TMEM144: variants seen among roughly 807,000 people sequenced by gnomAD.
TMEM144 encodes transmembrane protein 144.
TMEM144 carries 39 observed loss-of-function variants against 43.6 expected under a neutral mutation model. That is an observed-to-expected ratio of 0.90 (90% CI 0.69 to 1.17). The LOEUF (loss-of-function observed/expected upper bound fraction) is 1.17, where lower values mean the gene tolerates loss of function less well. Ranked by LOEUF, TMEM144 falls within the 50% of genes most tolerant of loss-of-function variation. The pLI is 0.00. For missense variants in TMEM144, 417 were observed against 411.9 expected (o/e 1.01, Z -0.11); for synonymous variants, 154 against 133.6 (o/e 1.15, Z -1.06).
At chr4:158,244,213 A>G in intron 11 of TMEM144, 83 bp from the exon 12 acceptor site, 1 of 990,136 alleles carries the variant, frequency 1.0e-6, no homozygotes, top group Non-Finnish European at 1.4e-6. Context: ...ATATGTTTAT[A>G]CTGTCTCTAA....
At chr4:158,246,583 A>G (rs1363957758) in intron 12 of TMEM144, among the ~76,000 whole-genome samples, 5 of 152,160 alleles carry the variant, frequency 3.3e-5, no homozygotes, top group Non-Finnish European at 7.4e-5. Flanking sequence ...AACTTGAAAC[A>G]TTTATAAACC....
intron 6 of TMEM144, among the ~76,000 whole-genome samples, chr4:158,221,979 T>C (rs1734530194): frequency 6.6e-6 from 1 of 152,226 alleles, no homozygotes; most frequent in African/African-American, 2.4e-5. Context: ...AACTGGTTCC[T>C]CTTCCTGAGT....
intron 11 of TMEM144, among the ~76,000 whole-genome samples, chr4:158,243,624 C>T (rs1489173655): frequency 6.6e-6 from 1 of 152,172 alleles, no homozygotes; most frequent in Non-Finnish European, 1.5e-5. Flanking sequence ...AATTGCAGAA[C>T]CATTCCTTTT....
intron 6 of TMEM144, among the ~76,000 whole-genome samples, chr4:158,232,092 G>C (rs958044128): frequency 2.6e-5 from 4 of 152,104 alleles, no homozygotes; most frequent in Non-Finnish European, 4.4e-5. Flanking sequence ...GTATCCCAAC[G>C]TTGTTCATTT....
Position 158,211,517 on chromosome 4 carries a change from AC to A in TMEM144, c.-116del, listed in dbSNP as rs943298976. 32 of 152,124 alleles carry A rather than the reference AC, an allele frequency of 2.1e-4. No homozygotes were observed. Among genetic ancestry groups the A allele is most frequent in the Admixed American group, 7.2e-4 (11 of 15,278 alleles). The allele number at this position is 152,124 out of a possible 1,614,324, so 9.4% of individuals were successfully genotyped here. On this transcript the variant is annotated 5_prime_UTR_variant, in exon 2 of 13. Transcript: ENST00000296529. ...CCTGTTGCACCTCTGTTATCTTGGC[AC>A]CTCTGTTATCTTAGCAGCAAGCACC... is the stretch of plus-strand genomic sequence containing the variant.
intron 6 of TMEM144, among the ~76,000 whole-genome samples, chr4:158,220,452 G>A (rs563267352): frequency 2.6e-5 from 4 of 152,244 alleles, no homozygotes; most frequent in East Asian, 1.9e-4. Context: ...AGTCTATCAG[G>A]CATTGTTTTC....
At chr4:158,236,345 CCAACCTTT>C (rs1735348238) in intron 8 of TMEM144, among the ~76,000 whole-genome samples, 1 of 152,152 alleles carries the variant, frequency 6.6e-6, no homozygotes, top group Non-Finnish European at 1.5e-5. Flanking sequence ...CAGAATAAAA[CCAACCTTT>C]CAAACAAAAA....
intron 5 of TMEM144, 36 bp from the exon 6 acceptor site, chr4:158,219,274 C>G: frequency 1.9e-6 from 3 of 1,602,464 alleles, no homozygotes; most frequent in Non-Finnish European, 2.6e-6. Context: ...AACATCTTAA[C>G]AATATTTAAT....
chr4:158,220,304 C>A (rs1734449628), intron 6 of TMEM144, among the ~76,000 whole-genome samples: 1 of 152,066 alleles, frequency 6.6e-6, no homozygotes, highest in African/African-American at 2.4e-5. Flanking sequence ...TGGTTAGAGG[C>A]AATTTTATGT....
chr4:158,237,697 A>G, intron 9 of TMEM144, 54 bp downstream of exon 9: 1 of 1,231,412 alleles, frequency 8.1e-7, no homozygotes. Flanking sequence ...ATGAATATAA[A>G]AAGAATTGTG....
chr4:158,240,242 TA>T, intron 9 of TMEM144, 56 bp from the exon 10 acceptor site: 1 of 1,546,246 alleles, frequency 6.5e-7, no homozygotes, highest in Non-Finnish European at 8.7e-7. Flanking sequence ...TTCAGAAATC[TA>T]AATATATCTG....
chr4:158,231,260 C>G (rs1007677239), intron 6 of TMEM144, among the ~76,000 whole-genome samples: 6 of 152,102 alleles, frequency 3.9e-5, no homozygotes, highest in Non-Finnish European at 5.9e-5. Context: ...GTCCATAACT[C>G]ATCTTTGAGA....
chr4:158,236,848 A>G (rs551484633), intron 8 of TMEM144, among the ~76,000 whole-genome samples: 81 of 152,010 alleles, frequency 5.3e-4, no homozygotes, highest in Non-Finnish European at 1.0e-3. Flanking sequence ...CAAAATATGA[A>G]TCACCTCCCC....
intron 5 of TMEM144, 84 bp downstream of exon 5, chr4:158,217,504 A>G: frequency 1.0e-6 from 1 of 962,586 alleles, no homozygotes; most frequent in Non-Finnish European, 1.6e-6. Flanking sequence ...GGAATAACAT[A>G]TGATTCTTAT....
At chr4:158,235,661 G>C (rs1165755275) in intron 8 of TMEM144, 156 bp downstream of exon 8, 6 of 638,644 alleles carry the variant, frequency 9.4e-6, no homozygotes, top group African/African-American at 9.2e-5. Flanking sequence ...TTTGTCCCCA[G>C]CTGAATTTTA....
Position 158,244,413 on chromosome 4 carries a change from G to T in TMEM144, c.954+64G>T, listed in dbSNP as rs375515991. The T allele has an allele frequency of 8.1e-6, 11 of 1,355,604 alleles. No individual in the cohort carries two copies. The East Asian group carries it at 2.4e-4, about 29-fold the overall frequency. 84.0% of individuals were successfully genotyped at this position (1,355,604 alleles called of 1,614,324 possible). ...GGGTAGGCCGGGCGTGGTGGCTCAC[G>T]CTTGTCCTGGCACTTTGGGAGGCCG... On this transcript the variant is annotated intron_variant, in intron 12 of 12. Transcript: ENST00000296529.
chr4:158,215,167 A>G, intron 3 of TMEM144, 24 bp from the exon 4 acceptor site: 1 of 1,613,144 alleles, frequency 6.2e-7, no homozygotes, highest in Non-Finnish European at 8.5e-7. Flanking sequence ...TTGAACCACT[A>G]ACACTGAGTT....
intron 12 of TMEM144, 74 bp downstream of exon 12, chr4:158,244,423 G>A (rs1391498860): frequency 1.6e-6 from 2 of 1,286,162 alleles, no homozygotes; most frequent in Non-Finnish European, 2.2e-6. Flanking sequence ...GCTTGTCCTG[G>A]CACTTTGGGA....
chr4:158,222,161 T>TA (rs1734542155), intron 6 of TMEM144, among the ~76,000 whole-genome samples: 1 of 152,212 alleles, frequency 6.6e-6, no homozygotes, highest in African/African-American at 2.4e-5. Flanking sequence ...CATGTGATTG[T>TA]AAAAAATCTC....
Sources: gnomAD v4.1 joint callset for allele counts (sites outside exome capture counted in the v4.1 genomes callset) on GRCh38, gnomAD v4.1.1 for gene constraint, MANE v1.5 for transcripts, NCBI Gene and HGNC (gene_info 2026-07-23, HGNC 2026-07-21) for gene names.